CLUH: variants seen among roughly 807,000 people sequenced by gnomAD.
The protein encoded by CLUH is clustered mitochondria protein homolog.
In CLUH, 77 loss-of-function variants were observed where a neutral mutation model predicts 139.3. That is an observed-to-expected ratio of 0.55 (90% confidence interval 0.46 to 0.67). The LOEUF (loss-of-function observed/expected upper bound fraction) is 0.67, where lower values mean the gene tolerates loss of function less well. CLUH is among the 30% of genes least tolerant of loss of function. The pLI is 0.00. For missense variants in CLUH, 1,876 were observed against 1,875.8 expected (o/e 1.00, Z 0.00); for synonymous variants, 999 against 801.6 (o/e 1.25, Z -4.16).
chr17:2,695,191 G>C lies in CLUH; in HGVS notation c.2607+27C>G. On this transcript the variant is annotated intron_variant, in intron 15 of 25. Coordinates refer to ENST00000651024, the MANE Select transcript of CLUH (RefSeq NM_001366661.1). The stretch of plus-strand genomic sequence containing the variant: ...CCCCACACCACCCTGGGAGGCCATG[G>C]CCAGCCGCAGAGCGGACGGGTGGCA... 9 of 1,613,872 alleles carry C rather than the reference G, an allele frequency of 5.6e-6. No homozygotes were observed. In the South Asian group the frequency reaches 9.9e-5, roughly 18 times the overall value.
chr17:2,689,894 G>C lies in CLUH; in HGVS notation c.*700C>G, dbSNP rs942490486. 6.5e-6 allele frequency: 1 copy of C among 152,692 alleles called. No homozygotes were observed. Among genetic ancestry groups the C allele is most frequent in the African/African-American group, 2.4e-5 (1 of 41,434 alleles). 9.5% of individuals were successfully genotyped at this position (152,692 alleles called of 1,614,324 possible). On this transcript the variant is annotated 3_prime_UTR_variant, in exon 26 of 26. Transcript: ENST00000651024. Reference sequence around the variant, plus strand: ...CCAAGGCTGCGCCCAGCTGGGTGCAGGGAGTAGGGAGCCGAGTCAGAGCCA... The same window carrying C: ...CCAAGGCTGCGCCCAGCTGGGTGCACGGAGTAGGGAGCCGAGTCAGAGCCA...
chr17:2,694,868 G>A lies in CLUH; in HGVS notation c.2841C>T (p.Phe947=), dbSNP rs773260152. 5.9e-6 allele frequency: 9 copies of A among 1,531,698 alleles called. No individual in the cohort carries two copies. Among genetic ancestry groups the A allele is most frequent in the Admixed American group, 2.1e-5 (1 of 48,726 alleles). The allele number at this position is 1,531,698 out of a possible 1,614,324, so 94.9% of individuals were successfully genotyped here. ...ICQEAKNYFD[F]DLECETVDQA... is the part of the protein sequence containing the mutation. ...TGCCCCGCACGCACCACTCGAGGTC[G>A]AAGTCAAAGTAGTTCTTGGCCTCCT... is the stretch of plus-strand genomic sequence containing the variant. The change falls in exon 16 of 26, where the codon TTC becomes TTT. Residue 947 remains phenylalanine, a synonymous_variant. Coordinates refer to ENST00000651024, the MANE Select transcript of CLUH (RefSeq NM_001366661.1).
rs372123827 is a variant in CLUH at position 2,693,999 on chromosome 17, C to G, written c.3132G>C (p.Leu1044=). ...CTCCGTAGACGTTGTTAAACAGGTT[C>G]AGGGCCTCATTGATGAGCTCACAGC... ...KEGCELINEA[L]NLFNNVYGAM... Residue 1044 remains leucine (L), a synonymous_variant, in exon 19 of 26, where the codon CTG becomes CTC. Transcript: ENST00000651024. 1.9e-6 allele frequency: 3 copies of G among 1,613,912 alleles called. No individual in the cohort carries two copies. The highest frequency in any genetic ancestry group is 2.7e-5 in the African/African-American group (2 of 75,030).
chr17:2,699,536 T>C (rs1203823306), intron 9 of CLUH, among the ~76,000 whole-genome samples: 21 of 152,070 alleles, frequency 1.4e-4, no homozygotes, highest in Admixed American at 1.4e-3. Flanking sequence ...CCATGTTTCG[T>C]AGGCTGGTTT....
rs1407435943 is a variant in CLUH, at chr17:2,697,958, G to A, written c.1899C>T (p.Arg633=). ...PEECARAGFP[R]AHRHKLCCLR... ...GGCAGCAGAGCTTGTGCCGGTGGGC[G>A]CGGGGGAAGCCGGCGCGGGCGCATT... The change falls in exon 10 of 26, where the codon CGC becomes CGT. Residue 633 remains arginine, a synonymous_variant. Transcript: ENST00000651024. The A allele has an allele frequency of 1.2e-5, 19 of 1,568,216 alleles. No homozygotes were observed. Among genetic ancestry groups the A allele is most frequent in the Non-Finnish European group, 1.5e-5 (17 of 1,162,766 alleles).
intron 9 of CLUH, 23 bp downstream of exon 9, chr17:2,700,359 C>T (rs753509120): frequency 1.8e-5 from 29 of 1,602,674 alleles, no homozygotes; most frequent in African/African-American, 2.7e-5. Context: ...CTCAGACTGC[C>T]GGTCAGCAGA....
Position 2,702,012 on chromosome 17 carries a change from C to A in CLUH, c.521G>T (p.Arg174Leu). ...REARIHVRHVRDLLKSLDPSD... is the reference protein window; with the variant it reads ...REARIHVRHVLDLLKSLDPSD... ...TGGGTCCAGGCTCTTGAGCAGGTCT[C>A]GGACATGGCGCACGTGGATGCGGGC... Residue 174 changes from arginine to leucine, a missense_variant, in exon 4 of 26, where the codon CGA becomes CTA. Physicochemically the swap from Arg to Leu is moderately radical, Grantham distance 102 (BLOSUM62 -2). Transcript: ENST00000651024. 6.2e-7 allele frequency: 1 copy of A among 1,613,950 alleles called. No homozygotes were observed. The highest frequency in any genetic ancestry group is 8.5e-7 in the Non-Finnish European group (1 of 1,179,898).
intron 7 of CLUH, 152 bp downstream of exon 7, chr17:2,700,988 T>C: frequency 6.9e-7 from 1 of 1,454,768 alleles, no homozygotes; most frequent in Admixed American, 2.1e-5. Flanking sequence ...GGCTGCTGTC[T>C]CGGCACTGGC....
At chr17:2,702,873 G>A (rs950447820) in intron 3 of CLUH, among the ~76,000 whole-genome samples, 17 of 150,406 alleles carry the variant, frequency 1.1e-4, no homozygotes, top group African/African-American at 3.9e-4. Context: ...TGCCCATGCT[G>A]GAGTGCAGTG....
intron 25 of CLUH, 64 bp downstream of exon 25, chr17:2,691,545 G>T: frequency 6.6e-7 from 1 of 1,514,496 alleles, no homozygotes; most frequent in Non-Finnish European, 9.0e-7. Flanking sequence ...CGGGTGACAG[G>T]GCGAGACTCC....
intron 1 of CLUH, among the ~76,000 whole-genome samples, chr17:2,709,637 T>A (rs569482745): frequency 6.6e-6 from 1 of 152,132 alleles, no homozygotes; most frequent in Non-Finnish European, 1.5e-5. Flanking sequence ...AGCCGCTGTA[T>A]TCCCAGGAAG....
In CLUH at chr17:2,708,282, C is replaced by T. The variant is rs186647861; in HGVS notation, c.100+3280G>A. ...GAAGGTTCTGGGTCTCACACAATGA[C>T]CAGAGGAGAAGGACCAGGCCTAGAC... On this transcript the variant is annotated intron_variant, in intron 1 of 25. Transcript: ENST00000651024. Among the ~76,000 whole-genome samples the T allele has an allele frequency of 2.6e-5, 4 of 152,300 alleles. No individual in the cohort carries two copies. In the East Asian group the frequency reaches 7.7e-4, roughly 29 times the overall value.
At position 2,691,669 on chromosome 17, in the gene CLUH, C is replaced by A. The variant is rs768761272; in HGVS notation, c.3803G>T (p.Ser1268Ile). Reference sequence around the variant, plus strand: ...CAGCTGCTCCAAGACGCTGGCCATGCTGGGGGCCGTGAACTGCGGGGCGGG... The same window carrying A: ...CAGCTGCTCCAAGACGCTGGCCATGATGGGGGCCGTGAACTGCGGGGCGGG... ...NIPPLKFTAP[S>I]MASVLEQLNV... Residue 1268 changes from serine (S) to isoleucine (I), a missense_variant, in exon 25 of 26, where the codon AGC becomes ATC. Coordinates refer to ENST00000651024, the MANE Select transcript of CLUH (RefSeq NM_001366661.1). 6.2e-7 allele frequency: 1 copy of A among 1,611,960 alleles called. No individual in the cohort carries two copies. Among genetic ancestry groups the A allele is most frequent in the Non-Finnish European group, 8.5e-7 (1 of 1,179,010 alleles).
rs920356419 is a variant in CLUH, at chr17:2,692,100, G to A, written c.3561-3C>T. ...AGACTCGGGCGACAAGGTGGTGGCT[G>A]CCGGGAGGCGCGGCGCGGGGCGAGG... On this transcript the variant is annotated splice_polypyrimidine_tract_variant and splice_region_variant and intron_variant, in intron 22 of 25. Coordinates refer to ENST00000651024, the MANE Select transcript of CLUH (RefSeq NM_001366661.1). The A allele has an allele frequency of 1.3e-6, 2 of 1,598,380 alleles. No individual in the cohort carries two copies. The highest frequency in any genetic ancestry group is 8.5e-7 in the Non-Finnish European group (1 of 1,173,802).
intron 11 of CLUH, 62 bp downstream of exon 11, chr17:2,696,657 G>A (rs2069958242): frequency 6.3e-7 from 1 of 1,583,066 alleles, no homozygotes; most frequent in East Asian, 2.3e-5. Context: ...CCAGGTGGGG[G>A]TCATAAGCCA....
At position 2,698,113 on chromosome 17, in the gene CLUH, C is replaced by T; in HGVS notation, c.1744G>A (p.Glu582Lys). ...QVLNDRDEEVELCSSVECKGI... is the reference protein window; with the variant it reads ...QVLNDRDEEVKLCSSVECKGI... ...TTGCACTCGACCGAGGAGCAGAGCT[C>T]CACCTCCTCGTCACGGTCGTTGAGC... Residue 582 changes from glutamate (E) to lysine (K), a missense_variant, in exon 10 of 26, where the codon GAG becomes AAG. This residue lies in a region of CLUH where 1,454 missense variants were observed against 1,384.4 expected (regional missense o/e 1.05). Transcript: ENST00000651024. 3 of 1,599,642 alleles carry T rather than the reference C, an allele frequency of 1.9e-6. No homozygotes were observed. Among genetic ancestry groups the T allele is most frequent in the Non-Finnish European group, 2.6e-6 (3 of 1,174,656 alleles).
At chr17:2,691,730 G>T in intron 24 of CLUH, 31 bp downstream of exon 24, 1 of 1,600,208 alleles carries the variant, frequency 6.2e-7, no homozygotes, top group Non-Finnish European at 8.5e-7. Flanking sequence ...GCGCTCGCCG[G>T]GCCGGAGGGG....
chr17:2,711,741 T>G lies in CLUH; in HGVS notation c.-80A>C, dbSNP rs2151730313. On this transcript the variant is annotated 5_prime_UTR_variant, in exon 1 of 26. Transcript: ENST00000651024. Reference sequence around the variant, plus strand: ...ACCCAAGTGCCCTGCGCGCCGCGGCTGCTGAGGGAAGGACGGAGTCACCGG... The same window carrying G: ...ACCCAAGTGCCCTGCGCGCCGCGGCGGCTGAGGGAAGGACGGAGTCACCGG... 1.7e-6 allele frequency: 1 copy of G among 573,244 alleles called. No individual in the cohort carries two copies. Among genetic ancestry groups the G allele is most frequent in the Non-Finnish European group, 2.2e-6 (1 of 453,540 alleles). 35.5% of individuals were successfully genotyped at this position (573,244 alleles called of 1,614,324 possible).
At chr17:2,700,927 CCT>C in intron 7 of CLUH, 102 bp from the exon 8 acceptor site, 1 of 1,448,234 alleles carries the variant, frequency 6.9e-7, no homozygotes, top group Non-Finnish European at 9.1e-7. Context: ...CATCTCCCAC[CCT>C]GAGACACTGC....
Sources: gnomAD v4.1 joint callset for allele counts (sites outside exome capture counted in the v4.1 genomes callset) on GRCh38, gnomAD v4.1.1 for gene constraint, gnomAD v4.1.1 regional missense constraint, MANE v1.5 for transcripts, NCBI Gene and HGNC (gene_info 2026-07-23, HGNC 2026-07-21) for gene names.